Variants in APP observed in about 807,000 individuals in gnomAD.
The protein encoded by APP is amyloid beta precursor protein.
In APP, 31 loss-of-function variants were observed where a neutral mutation model predicts 101.4. The ratio of observed to expected loss-of-function variants is 0.31; its 90% confidence interval spans 0.23 to 0.41. The LOEUF (loss-of-function observed/expected upper bound fraction) is 0.41, where lower values mean the gene tolerates loss of function less well. Ranked by LOEUF, APP falls within the 10% of genes least tolerant of loss-of-function variation. The pLI is 1.00. For synonymous variants in APP, 366 were observed against 364.4 expected (o/e 1.00, Z -0.05); for missense variants, 839 against 1,003.7 (o/e 0.84, Z 2.22).
intron 15 of APP, among the ~76,000 whole-genome samples, chr21:25,898,297 C>G (rs905892195): frequency 6.6e-6 from 1 of 152,200 alleles, no homozygotes; most frequent in African/African-American, 2.4e-5. Flanking sequence ...TTCTTAGCAA[C>G]TAACAGAATT....
At chr21:26,114,986 A>G (rs1028137053) in intron 1 of APP, among the ~76,000 whole-genome samples, 7 of 152,166 alleles carry the variant, frequency 4.6e-5, no homozygotes, top group Non-Finnish European at 7.3e-5. Context: ...TAACTTGATT[A>G]CGGCGCTATA....
intron 1 of APP, among the ~76,000 whole-genome samples, chr21:26,135,953 G>T (rs886266411): frequency 6.6e-6 from 1 of 151,586 alleles, no homozygotes; most frequent in African/African-American, 2.4e-5. Context: ...ACAACACAGT[G>T]AAACCCTGCC....
At chr21:26,014,100 A>G (rs1054418087) in intron 6 of APP, among the ~76,000 whole-genome samples, 6 of 152,180 alleles carry the variant, frequency 3.9e-5, no homozygotes, top group African/African-American at 1.4e-4. Context: ...AGGAGGAGCC[A>G]TTACCCTTTT....
intron 1 of APP, among the ~76,000 whole-genome samples, chr21:26,155,697 A>G (rs1191828914): frequency 1.3e-5 from 2 of 152,176 alleles, no homozygotes; most frequent in East Asian, 3.8e-4. Context: ...CATTGGGTCT[A>G]AAAATAATTG....
intron 2 of APP, among the ~76,000 whole-genome samples, chr21:26,106,332 G>A (rs556267124): frequency 2.6e-4 from 40 of 152,196 alleles, no homozygotes; most frequent in South Asian, 4.2e-4. Flanking sequence ...CCCACACTAC[G>A]ATCCTTCCCA....
At chr21:25,903,368 CA>C (rs937462787) in intron 15 of APP, among the ~76,000 whole-genome samples, 3,807 of 68,496 alleles carry the variant, frequency 0.056, 109 homozygotes, top group African/African-American at 0.13. Flanking sequence ...GACTCCATCT[CA>C]AAAAAAAAAA....
rs566131529 is a variant in APP, at chr21:26,053,817, C to A, written c.356-469G>T. 3.9e-5 allele frequency among the ~76,000 whole-genome samples: 6 copies of A among 152,056 alleles called. No homozygotes were observed. In the South Asian group the frequency reaches 1.3e-3, roughly 32 times the overall value. On this transcript the variant is annotated intron_variant, in intron 3 of 17. Transcript: ENST00000346798. ...TTTTTCTACTTCCTAAGCAAAAAAC[C>A]CAAAAGTGTATTTTATATATATGTT...
chr21:26,126,611 A>G (rs1046014926), intron 1 of APP, among the ~76,000 whole-genome samples: 2 of 152,008 alleles, frequency 1.3e-5, no homozygotes. Context: ...GATGATTGTC[A>G]CGACTTGGGT....
intron 5 of APP, among the ~76,000 whole-genome samples, chr21:26,031,376 CT>C (rs2044812183): frequency 6.6e-6 from 1 of 152,156 alleles, no homozygotes. Context: ...TTCTCCCCCT[CT>C]TTTTTGGGAA....
chr21:26,156,346 C>T (rs928775663), intron 1 of APP, among the ~76,000 whole-genome samples: 2 of 152,060 alleles, frequency 1.3e-5, no homozygotes, highest in African/African-American at 2.4e-5. Flanking sequence ...AACAAAGAAG[C>T]AGAGATAGTT....
intron 1 of APP, among the ~76,000 whole-genome samples, chr21:26,162,750 T>C (rs1423924580): frequency 6.7e-6 from 1 of 149,578 alleles, no homozygotes; most frequent in Non-Finnish European, 1.5e-5. Context: ...CTTATTCTCA[T>C]AAGTATCTTT....
intron 5 of APP, among the ~76,000 whole-genome samples, chr21:26,042,207 C>T (rs999805475): frequency 6.6e-6 from 1 of 152,124 alleles, no homozygotes; most frequent in African/African-American, 2.4e-5. Context: ...TATTCAAAAA[C>T]TTGTAACTCC....
At chr21:26,001,403 A>G (rs915957866) in intron 6 of APP, among the ~76,000 whole-genome samples, 6 of 152,240 alleles carry the variant, frequency 3.9e-5, no homozygotes. Flanking sequence ...CTGACGCCTT[A>G]GCACACACAG....
At chr21:25,889,904 AACAAC>A (rs2037576955) in intron 17 of APP, among the ~76,000 whole-genome samples, 1 of 151,928 alleles carries the variant, frequency 6.6e-6, no homozygotes, top group Non-Finnish European at 1.5e-5. Context: ...AAAAAACCAA[AACAAC>A]AACAGCAGCA....
intron 2 of APP, among the ~76,000 whole-genome samples, chr21:26,093,856 C>A (rs2061880519): frequency 6.6e-6 from 1 of 152,084 alleles, no homozygotes; most frequent in African/African-American, 2.4e-5. Flanking sequence ...TGGCACACAC[C>A]TGTAATCCCA....
intron 11 of APP, among the ~76,000 whole-genome samples, chr21:25,958,983 C>T (rs1448040518): frequency 0.016 from 3 of 184 alleles, 1 homozygote; most frequent in African/African-American, 0.094. Context: ...CATCCCTGGC[C>T]CAATGGTTAC....
At chr21:25,986,036 A>G (rs2042623980) in intron 8 of APP, among the ~76,000 whole-genome samples, 1 of 152,192 alleles carries the variant, frequency 6.6e-6, no homozygotes, top group South Asian at 2.1e-4. Flanking sequence ...AGAGAGCTCA[A>G]CTTCTATTTC....
At chr21:26,147,957 T>C (rs2063187024) in intron 1 of APP, among the ~76,000 whole-genome samples, 1 of 151,888 alleles carries the variant, frequency 6.6e-6, no homozygotes, top group African/African-American at 2.4e-5. Context: ...CCACCAAAGA[T>C]ACACAGTGAT....
At chr21:25,886,603 C>T (rs1021778225) in intron 17 of APP, among the ~76,000 whole-genome samples, 1 of 152,082 alleles carries the variant, frequency 6.6e-6, no homozygotes, top group African/African-American at 2.4e-5. Flanking sequence ...CCATGTTGGC[C>T]AGGCTGGACT....
Sources: gnomAD v4.1 joint callset for allele counts (sites outside exome capture counted in the v4.1 genomes callset) on GRCh38, gnomAD v4.1.1 for gene constraint, MANE v1.5 for transcripts, NCBI Gene and HGNC (gene_info 2026-07-23, HGNC 2026-07-21) for gene names.